PIEZO2: variants seen among roughly 807,000 people sequenced by gnomAD.
PIEZO2 encodes the protein piezo-type mechanosensitive ion channel component 2.
PIEZO2 carries 172 observed loss-of-function variants against 337.3 expected under a neutral mutation model. The ratio of observed to expected loss-of-function variants is 0.51; its 90% confidence interval spans 0.45 to 0.58. PIEZO2 has a LOEUF of 0.58. Among genes scored for constraint, PIEZO2 ranks in the 20% least tolerant of loss-of-function variants. The pLI is 0.00. For missense variants in PIEZO2, 3,028 were observed against 3,391.3 expected, an observed-to-expected ratio of 0.89 and a Z score of 2.66; for synonymous variants, 1,251 against 1,228.5, an observed-to-expected ratio of 1.02 and a Z score of -0.38.
intron 24 of PIEZO2, among the ~76,000 whole-genome samples, chr18:10,760,349 G>C (rs761273480): frequency 6.6e-6 from 1 of 152,166 alleles, no homozygotes; most frequent in Non-Finnish European, 1.5e-5. Context: ...CTGTCACCCA[G>C]GCTAGAGTGC....
At chr18:10,985,311 G>C (rs2034829220) in intron 2 of PIEZO2, among the ~76,000 whole-genome samples, 1 of 152,026 alleles carries the variant, frequency 6.6e-6, no homozygotes, top group African/African-American at 2.4e-5. Flanking sequence ...TGTAAATTGT[G>C]ACTCTAATAA....
intron 1 of PIEZO2, among the ~76,000 whole-genome samples, chr18:11,095,186 T>C (rs749478605): frequency 5.3e-5 from 8 of 152,242 alleles, no homozygotes; most frequent in Non-Finnish European, 1.0e-4. Context: ...AGGTAGACCA[T>C]TCTTATTCCA....
chr18:10,978,941 G>C (rs962688122), intron 3 of PIEZO2, among the ~76,000 whole-genome samples: 4 of 151,866 alleles, frequency 2.6e-5, no homozygotes, highest in Admixed American at 2.0e-4. Context: ...ATACTATCTA[G>C]ATAAAACATG....
rs2037388635 is a variant in PIEZO2 at position 11,048,175 on chromosome 18, C to G, written c.160+17952G>C. The stretch of plus-strand genomic sequence containing the variant: ...CGAGGAGACTATTAGTGACTTTCCC[C>G]AATACCCCTTAAGGGCACAAAATAC... On this transcript the variant is annotated intron_variant, in intron 2 of 55. Coordinates refer to ENST00000674853, the MANE Select transcript of PIEZO2 (RefSeq NM_001378183.1). This position sits in a 1 kb window ranked among gnomAD's most constrained non-coding sequence, Gnocchi z 4.5. Among the ~76,000 whole-genome samples, 2 of 152,084 alleles carry G rather than the reference C, an allele frequency of 1.3e-5. No homozygotes were observed. Among genetic ancestry groups the G allele is most frequent in the African/African-American group, 4.8e-5 (2 of 41,400 alleles).
chr18:10,997,394 C>A (rs373537096), intron 2 of PIEZO2, among the ~76,000 whole-genome samples: 15 of 152,234 alleles, frequency 9.9e-5, no homozygotes, highest in African/African-American at 3.4e-4. Context: ...CCAGGAAAAT[C>A]TGATCAATTA....
chr18:10,677,477 C>A lies in PIEZO2; in HGVS notation c.8081+270G>T. The A allele has an allele frequency of 3.0e-6, 1 of 327,970 alleles. No individual in the cohort carries two copies. The highest frequency in any genetic ancestry group is 5.6e-6 in the Non-Finnish European group (1 of 178,468). 20.3% of individuals were successfully genotyped at this position (327,970 alleles called of 1,614,324 possible). ...AGGGGATCCACCTGTCTCAGCCTCCCAACATGCTGGGATTACAGGCATGAG... is the reference window on the plus strand; with the variant it reads ...AGGGGATCCACCTGTCTCAGCCTCCAAACATGCTGGGATTACAGGCATGAG... On this transcript the variant is annotated intron_variant, in intron 53 of 55. Transcript: ENST00000674853. This position sits in a 1 kb window ranked among gnomAD's most constrained non-coding sequence, Gnocchi z 4.1.
At chr18:10,737,860 T>C (rs1349520720) in intron 33 of PIEZO2, 1 of 152,232 alleles carries the variant, frequency 6.6e-6, no homozygotes, top group Non-Finnish European at 1.5e-5. Context: ...TGATCTTAAG[T>C]TGTCTTTTGG....
At position 10,736,671 on chromosome 18, in the gene PIEZO2, C is replaced by G; in HGVS notation, c.4748G>C (p.Ser1583Thr). Residue 1583 changes from serine (S) to threonine (T), a missense_variant, in exon 34 of 56, where the codon AGT becomes ACT. Transcript: ENST00000674853. Reference protein sequence around the residue: ...SGDYYLFETDSEEEEEEELKK... With the variant: ...SGDYYLFETDTEEEEEEELKK... Reference sequence around the variant, plus strand: ...TAATTCTTCCTCTTCCTCCTCTTCACTATCCGTTTCAAACAAATAATAATC... The same window carrying G: ...TAATTCTTCCTCTTCCTCCTCTTCAGTATCCGTTTCAAACAAATAATAATC... 6.5e-7 allele frequency: 1 copy of G among 1,537,072 alleles called. No individual in the cohort carries two copies. The highest frequency in any genetic ancestry group is 2.4e-5 in the East Asian group (1 of 40,898).
At chr18:10,797,629 A>G in intron 11 of PIEZO2, 107 bp from the exon 12 acceptor site, 1 of 1,451,092 alleles carries the variant, frequency 6.9e-7, no homozygotes, top group Non-Finnish European at 9.0e-7. Flanking sequence ...CCTTTTATTT[A>G]AGATTTCAGA....
rs1199847382 is a variant in PIEZO2, at chr18:10,888,960, T to A, written c.330-17545A>T. Among the ~76,000 whole-genome samples, 5 of 152,052 alleles carry A rather than the reference T, an allele frequency of 3.3e-5. No homozygotes were observed. Among genetic ancestry groups the A allele is most frequent in the Non-Finnish European group, 7.3e-5 (5 of 68,032 alleles). ...CTGCTACAGCCAACAGTTCAAGGGG[T>A]CATTTCATGATCCTAATGTGCACAC... On this transcript the variant is annotated intron_variant, in intron 4 of 55. Coordinates refer to ENST00000674853, the MANE Select transcript of PIEZO2 (RefSeq NM_001378183.1). This position sits in a 1 kb window ranked among gnomAD's most constrained non-coding sequence, Gnocchi z 4.1.
At chr18:11,123,864 G>T (rs1049890871) in intron 1 of PIEZO2, among the ~76,000 whole-genome samples, 1 of 152,012 alleles carries the variant, frequency 6.6e-6, no homozygotes, top group South Asian at 2.1e-4. Context: ...GCAGAGAGCT[G>T]CAGTCTTTAT....
intron 2 of PIEZO2, among the ~76,000 whole-genome samples, chr18:11,034,328 C>T (rs1253935105): frequency 6.6e-6 from 1 of 151,156 alleles, no homozygotes; most frequent in African/African-American, 2.4e-5. Flanking sequence ...CGGCGTCTAG[C>T]TCTGTCGCCC....
At chr18:10,997,004 T>C (rs2035347526) in intron 2 of PIEZO2, among the ~76,000 whole-genome samples, 1 of 152,090 alleles carries the variant, frequency 6.6e-6, no homozygotes, top group African/African-American at 2.4e-5. Flanking sequence ...TTGTTATAAA[T>C]CAATAAGAGT....
rs1485121149 is a variant in PIEZO2 at position 11,149,098 on chromosome 18, CT to C, written c.-511del. ...TCTCCTTTGCCCGGCCTCGTCTCCG[CT>C]GCCCACGCAGGCTGCCGCGCTCTGG... On this transcript the variant is annotated 5_prime_UTR_variant, in exon 1 of 56. Coordinates refer to ENST00000674853, the MANE Select transcript of PIEZO2 (RefSeq NM_001378183.1). This position sits in a 1 kb window ranked among gnomAD's most constrained non-coding sequence, Gnocchi z 8.7. Among the ~76,000 whole-genome samples the C allele has an allele frequency of 1.3e-5, 2 of 152,156 alleles. No homozygotes were observed. Among genetic ancestry groups the C allele is most frequent in the Non-Finnish European group, 2.9e-5 (2 of 68,024 alleles).
At chr18:10,865,391 G>A (rs2041979420) in intron 5 of PIEZO2, among the ~76,000 whole-genome samples, 1 of 152,302 alleles carries the variant, frequency 6.6e-6, no homozygotes, top group African/African-American at 2.4e-5. Context: ...CATATTTTCA[G>A]GCCTTGCTGA....
chr18:10,891,757 C>T (rs2042763591), intron 4 of PIEZO2, among the ~76,000 whole-genome samples: 1 of 152,042 alleles, frequency 6.6e-6, no homozygotes, highest in Admixed American at 6.6e-5. Flanking sequence ...ATAAAAAATT[C>T]CAAATTTTTC....
chr18:10,796,160 C>T (rs151145201), intron 12 of PIEZO2, among the ~76,000 whole-genome samples: 3,789 of 151,562 alleles, frequency 0.025, 156 homozygotes, highest in African/African-American at 0.088. Context: ...GCCAGGAGAT[C>T]GAGACCATCC....
In PIEZO2 at chr18:10,672,114, AT is replaced by A. The variant is rs1432607982; in HGVS notation, c.8346-336del. 6.6e-6 allele frequency among the ~76,000 whole-genome samples: 1 copy of A among 152,144 alleles called. No individual in the cohort carries two copies. Among genetic ancestry groups the A allele is most frequent in the Non-Finnish European group, 1.5e-5 (1 of 68,020 alleles). ...ATTAAATGCATAAACCATATAATGT[AT>A]TTGGTAGAAATGTAATTATATATGA... On this transcript the variant is annotated intron_variant, in intron 55 of 55. Coordinates refer to ENST00000674853, the MANE Select transcript of PIEZO2 (RefSeq NM_001378183.1). This position sits in a 1 kb window ranked among gnomAD's most constrained non-coding sequence, Gnocchi z 4.7.
At chr18:11,006,799 T>C (rs969900040) in intron 2 of PIEZO2, among the ~76,000 whole-genome samples, 1 of 152,184 alleles carries the variant, frequency 6.6e-6, no homozygotes, top group Non-Finnish European at 1.5e-5. Flanking sequence ...CTATGAAGTA[T>C]GTTCTTAGTA....
Sources: gnomAD v4.1 joint callset for allele counts (sites outside exome capture counted in the v4.1 genomes callset) on GRCh38, gnomAD v4.1.1 for gene constraint, Gnocchi (gnomAD v3.1) non-coding constraint, MANE v1.5 for transcripts, NCBI Gene and HGNC (gene_info 2026-07-23, HGNC 2026-07-21) for gene names.